The following FUT8 variants were observed in gnomAD, a reference collection of about 807,000 sequenced individuals.
FUT8 encodes the protein alpha-(1,6)-fucosyltransferase.
A neutral mutation model predicts 71.3 loss-of-function variants in FUT8; 29 were observed. The ratio of observed to expected loss-of-function variants is 0.41; its 90% confidence interval spans 0.30 to 0.55. The LOEUF is 0.55. Ranked by LOEUF, FUT8 falls within the 20% of genes least tolerant of loss-of-function variation. The pLI, the probability that FUT8 is intolerant of heterozygous loss-of-function variation, is 0.34. For missense variants in FUT8, 544 were observed against 702.1 expected (o/e 0.77, Z 2.55); for synonymous variants, 254 against 239.3 (o/e 1.06, Z -0.57).
In FUT8 at chr14:65,615,897, A is replaced by G. The variant is rs980712085; in HGVS notation, c.204-81A>G. 30 of 939,630 alleles carry G rather than the reference A, an allele frequency of 3.2e-5. No homozygotes were observed. In the South Asian group the frequency reaches 4.7e-4, roughly 15 times the overall value. The allele number at this position is 939,630 out of a possible 1,614,324, so 58.2% of individuals were successfully genotyped here. A position where few individuals can be genotyped will look rare whatever the true frequency, so the allele number is the denominator to read the frequency against. ...TTCAACAACTTATGGAGTTTACAGT[A>G]TAAATGTTTTAGAAAGTGAGCTTGT... is the stretch of plus-strand genomic sequence containing the variant. On this transcript the variant is annotated intron_variant, in intron 3 of 10. Coordinates refer to ENST00000673929, the MANE Select transcript of FUT8 (RefSeq NM_001371533.1).
At chr14:65,523,860 G>T (rs949923973) in intron 2 of FUT8, among the ~76,000 whole-genome samples, 1 of 152,148 alleles carries the variant, frequency 6.6e-6, no homozygotes, top group Non-Finnish European at 1.5e-5. Flanking sequence ...TTTTTGTCAG[G>T]TTTGTCAAGA....
chr14:65,691,422 T>C lies in FUT8; in HGVS notation c.835+21942T>C, dbSNP rs1048013605. On this transcript the variant is annotated intron_variant, in intron 7 of 10. Transcript: ENST00000673929. ...TAGATGTTCTTTCTTGCTGAGAGTTTTTAATCATGAATAGGTGTTGGATTT... is the reference window on the plus strand; with the variant it reads ...TAGATGTTCTTTCTTGCTGAGAGTTCTTAATCATGAATAGGTGTTGGATTT... Among the ~76,000 whole-genome samples the C allele has an allele frequency of 4.7e-5, 7 of 148,030 alleles. 1 individual carries two copies. Among genetic ancestry groups the C allele is most frequent in the African/African-American group, 1.9e-4 (7 of 37,448 alleles).
intron 2 of FUT8, among the ~76,000 whole-genome samples, chr14:65,553,827 T>C (rs1885428504): frequency 6.6e-6 from 1 of 152,100 alleles, no homozygotes; most frequent in Non-Finnish European, 1.5e-5. Context: ...TCTTTTTTCC[T>C]AGTTACCTGA....
At chr14:65,705,790 T>TC (rs1439792300) in intron 7 of FUT8, among the ~76,000 whole-genome samples, 1 of 152,064 alleles carries the variant, frequency 6.6e-6, no homozygotes. Flanking sequence ...TAGCTAGGAG[T>TC]CCCTACTCTT....
In FUT8 at chr14:65,742,203, A is replaced by T; in HGVS notation, c.1521A>T (p.Gln507His). ...YYFGGQNAHN[Q>H]IAIYAHQPRT... ...TTGGGGGCCAGAATGCCCACAATCAAATTGCCATTTATGCTCACCAACCCC... is the reference window on the plus strand; with the variant it reads ...TTGGGGGCCAGAATGCCCACAATCATATTGCCATTTATGCTCACCAACCCC... Residue 507 changes from glutamine to histidine, a missense_variant, in exon 11 of 11, where the codon CAA (glutamine) becomes CAT (histidine). Gln to His is a conservative substitution (Grantham distance 24, BLOSUM62 0). Coordinates refer to ENST00000673929, the MANE Select transcript of FUT8 (RefSeq NM_001371533.1). 6.2e-7 allele frequency: 1 copy of T among 1,613,176 alleles called. No individual in the cohort carries two copies. Among genetic ancestry groups the T allele is most frequent in the South Asian group, 1.1e-5 (1 of 91,064 alleles).
chr14:65,700,612 G>C (rs562162680), intron 7 of FUT8, among the ~76,000 whole-genome samples: 3 of 151,866 alleles, frequency 2.0e-5, no homozygotes, highest in Admixed American at 6.5e-5. Flanking sequence ...TGTTATCCAG[G>C]ATGGTCTCGA....
At chr14:65,674,366 C>T (rs1892611974) in intron 7 of FUT8, among the ~76,000 whole-genome samples, 1 of 152,124 alleles carries the variant, frequency 6.6e-6, no homozygotes, top group Admixed American at 6.5e-5. Context: ...AGCTTCTGAA[C>T]CTCAGTTTAG....
At chr14:65,726,546 A>G (rs566280698) in intron 9 of FUT8, among the ~76,000 whole-genome samples, 26 of 152,328 alleles carry the variant, frequency 1.7e-4, no homozygotes, top group African/African-American at 6.0e-4. Flanking sequence ...ACTATTCGCT[A>G]TCACGAGAAC....
chr14:65,554,733 T>C (rs1191517811), intron 2 of FUT8, among the ~76,000 whole-genome samples: 1 of 152,124 alleles, frequency 6.6e-6, no homozygotes, highest in Admixed American at 6.6e-5. Flanking sequence ...TCATTCTTGG[T>C]TTGGAGCCTC....
At chr14:65,641,603 GA>G (rs200358758) in intron 6 of FUT8, among the ~76,000 whole-genome samples, 1,588 of 152,222 alleles carry the variant, frequency 0.01, 29 homozygotes, top group African/African-American at 0.037. Flanking sequence ...TTACAAAAGT[GA>G]TTGTGCCATT....
upstream of FUT8, chr14:65,412,572 T>C (rs2065148727): frequency 5.8e-6 from 2 of 346,104 alleles, no homozygotes; most frequent in South Asian, 2.1e-5. Context: ...CCCGCGGCTC[T>C]GCTAGGCGGT....
chr14:65,692,468 C>A (rs1893696992), intron 7 of FUT8, among the ~76,000 whole-genome samples: 1 of 89,938 alleles, frequency 1.1e-5, no homozygotes, highest in African/African-American at 4.5e-5. Context: ...GACCCCCCCA[C>A]CTCCCTCCCA....
chr14:65,463,211 A>G (rs888550305), intron 2 of FUT8, among the ~76,000 whole-genome samples: 2 of 152,210 alleles, frequency 1.3e-5, no homozygotes, highest in African/African-American at 2.4e-5. Flanking sequence ...CCTCTATCAT[A>G]TTTCTATTCA....
At chr14:65,727,838 A>T (rs1895762038) in intron 9 of FUT8, among the ~76,000 whole-genome samples, 1 of 152,222 alleles carries the variant, frequency 6.6e-6, no homozygotes, top group South Asian at 2.1e-4. Context: ...GAATGCCTTT[A>T]GCAGCAACCA....
intron 10 of FUT8, among the ~76,000 whole-genome samples, chr14:65,739,805 C>A (rs1334696803): frequency 6.6e-6 from 1 of 152,042 alleles, no homozygotes; most frequent in Non-Finnish European, 1.5e-5. Flanking sequence ...TGGGTTCCAA[C>A]CTGAATTTAC....
chr14:65,569,929 ATTC>A (rs1423959172), intron 3 of FUT8, among the ~76,000 whole-genome samples: 3 of 151,972 alleles, frequency 2.0e-5, no homozygotes, highest in Admixed American at 2.0e-4. Flanking sequence ...CTCAGGTATA[ATTC>A]TTCTAGGCTT....
intron 7 of FUT8, among the ~76,000 whole-genome samples, chr14:65,701,818 A>G (rs1376581195): frequency 6.6e-6 from 1 of 152,204 alleles, no homozygotes; most frequent in African/African-American, 2.4e-5. Flanking sequence ...ACCCATAGGA[A>G]CTTCTCTAGA....
At chr14:65,644,872 T>C (rs1406525534) in intron 6 of FUT8, among the ~76,000 whole-genome samples, 1 of 152,204 alleles carries the variant, frequency 6.6e-6, no homozygotes, top group Non-Finnish European at 1.5e-5. Flanking sequence ...TTATCTGACA[T>C]ACATACTTTC....
At chr14:65,691,862 A>C (rs1893618579) in intron 7 of FUT8, among the ~76,000 whole-genome samples, 1 of 152,134 alleles carries the variant, frequency 6.6e-6, no homozygotes, top group Non-Finnish European at 1.5e-5. Flanking sequence ...CACCGCCCTT[A>C]ATCCATTTAA....
Sources: gnomAD v4.1 joint callset for allele counts (sites outside exome capture counted in the v4.1 genomes callset) on GRCh38, gnomAD v4.1.1 for gene constraint, MANE v1.5 for transcripts, NCBI Gene and HGNC (gene_info 2026-07-23, HGNC 2026-07-21) for gene names.